CTNND2: variants seen among roughly 807,000 people sequenced by gnomAD.
The protein encoded by CTNND2 is catenin delta 2.
CTNND2 carries 22 observed loss-of-function variants against 144.4 expected under a neutral mutation model. The ratio of observed to expected loss-of-function variants is 0.15; its 90% CI spans 0.11 to 0.22. The LOEUF (loss-of-function observed/expected upper bound fraction) is 0.22, where lower values mean the gene tolerates loss of function less well. CTNND2 is among the 10% of genes least tolerant of loss of function. CTNND2 has a pLI of 1.00. For synonymous variants in CTNND2, 751 were observed against 695.6 expected (o/e 1.08, Z -1.25); for missense variants, 1,353 against 1,618.8 (o/e 0.84, Z 2.82).
At chr5:11,232,876 C>A (rs1351789773) in intron 10 of CTNND2, among the ~76,000 whole-genome samples, 1 of 152,130 alleles carries the variant, frequency 6.6e-6, no homozygotes, top group Non-Finnish European at 1.5e-5. Context: ...AGGGTAGGAC[C>A]AGGTGGAGGT....
At chr5:11,405,936 G>T (rs889066167) in intron 5 of CTNND2, among the ~76,000 whole-genome samples, 4 of 152,126 alleles carry the variant, frequency 2.6e-5, no homozygotes, top group African/African-American at 9.7e-5. Flanking sequence ...ATCACTGGAG[G>T]TCAGGAGTTC....
At chr5:11,412,545 G>A (rs1761626563) in intron 3 of CTNND2, among the ~76,000 whole-genome samples, 1 of 151,946 alleles carries the variant, frequency 6.6e-6, no homozygotes, top group Non-Finnish European at 1.5e-5. Flanking sequence ...AAGAGTTTAA[G>A]TAATTTAAAA....
intron 9 of CTNND2, among the ~76,000 whole-genome samples, chr5:11,319,445 G>A (rs1217407742): frequency 6.6e-6 from 1 of 152,178 alleles, no homozygotes; most frequent in Non-Finnish European, 1.5e-5. Flanking sequence ...AAATCATCCT[G>A]TGAAGTCATT....
At chr5:11,786,888 T>C (rs559699700) in intron 1 of CTNND2, among the ~76,000 whole-genome samples, 1 of 152,186 alleles carries the variant, frequency 6.6e-6, no homozygotes, top group Non-Finnish European at 1.5e-5. Context: ...TTTTCCCGAA[T>C]AGAGTTGGGG....
At chr5:11,296,013 C>A (rs1748936025) in intron 9 of CTNND2, among the ~76,000 whole-genome samples, 1 of 150,298 alleles carries the variant, frequency 6.7e-6, no homozygotes. Context: ...AGCTTCTGCA[C>A]AGCAAAAGAA....
At chr5:11,015,076 C>A (rs1741470708) in intron 18 of CTNND2, among the ~76,000 whole-genome samples, 1 of 152,122 alleles carries the variant, frequency 6.6e-6, no homozygotes, top group Non-Finnish European at 1.5e-5. Flanking sequence ...TGGAACGCTT[C>A]CTTTGCTAAG....
chr5:11,187,704 T>C (rs1735783602), intron 11 of CTNND2, among the ~76,000 whole-genome samples: 1 of 152,078 alleles, frequency 6.6e-6, no homozygotes, highest in South Asian at 2.1e-4. Flanking sequence ...GCAGTCTATC[T>C]ATCTGCAAAG....
At chr5:11,031,264 A>G (rs1195359651) in intron 16 of CTNND2, among the ~76,000 whole-genome samples, 2 of 152,148 alleles carry the variant, frequency 1.3e-5, no homozygotes, top group South Asian at 4.1e-4. Flanking sequence ...CACTGTAGTG[A>G]GAAGCAGCAA....
At chr5:11,810,957 AT>A (rs1792298444) in intron 1 of CTNND2, among the ~76,000 whole-genome samples, 1 of 152,104 alleles carries the variant, frequency 6.6e-6, no homozygotes, top group South Asian at 2.1e-4. Context: ...TATCATCTGA[AT>A]TTTACTGTAG....
chr5:11,754,253 G>C (rs1788784211), intron 1 of CTNND2, among the ~76,000 whole-genome samples: 1 of 151,168 alleles, frequency 6.6e-6, no homozygotes, highest in South Asian at 2.1e-4. Context: ...AGTTTCTCTA[G>C]GTGTGATGTT....
At chr5:11,217,723 T>A (rs890754809) in intron 10 of CTNND2, among the ~76,000 whole-genome samples, 1 of 152,206 alleles carries the variant, frequency 6.6e-6, no homozygotes, top group Admixed American at 6.5e-5. Context: ...TCTCTACCAG[T>A]GCCTAAGAGC....
In CTNND2 at chr5:11,684,940, T is replaced by C. The variant is rs1784575722; in HGVS notation, c.174+47196A>G. On this transcript the variant is annotated intron_variant, in intron 2 of 21. Transcript: ENST00000304623. Reference sequence around the variant, plus strand: ...AGTAGGAACAAAGAGAATGGTCCAATCCTTCTTCCCTCTACCTGATAATAT... The same window carrying C: ...AGTAGGAACAAAGAGAATGGTCCAACCCTTCTTCCCTCTACCTGATAATAT... 2.0e-5 allele frequency among the ~76,000 whole-genome samples: 3 copies of C among 152,240 alleles called. No homozygotes were observed. In the South Asian group the frequency reaches 6.2e-4, roughly 31 times the overall value.
intron 1 of CTNND2, among the ~76,000 whole-genome samples, chr5:11,885,117 G>T (rs1736423308): frequency 6.6e-6 from 1 of 152,108 alleles, no homozygotes; most frequent in African/African-American, 2.4e-5. Context: ...ATGGCCTGTA[G>T]TTTTACTTTT....
At chr5:11,013,992 A>G (rs1741353924) in intron 18 of CTNND2, among the ~76,000 whole-genome samples, 1 of 152,192 alleles carries the variant, frequency 6.6e-6, no homozygotes, top group Admixed American at 6.5e-5. Flanking sequence ...TGCAAGGCAG[A>G]GCAATGTGAC....
At chr5:11,095,540 A>C (rs12517839) in intron 15 of CTNND2, among the ~76,000 whole-genome samples, 3 of 152,074 alleles carry the variant, frequency 2.0e-5, no homozygotes. Flanking sequence ...TGAGAAAAAT[A>C]ATCACATTTG....
At chr5:11,241,432 C>G (rs1184596288) in intron 9 of CTNND2, among the ~76,000 whole-genome samples, 1 of 152,242 alleles carries the variant, frequency 6.6e-6, no homozygotes, top group Non-Finnish European at 1.5e-5. Context: ...TTCAGATCCT[C>G]TGGCCTTAAA....
At chr5:11,662,157 G>C (rs1019248833) in intron 2 of CTNND2, among the ~76,000 whole-genome samples, 3 of 140,044 alleles carry the variant, frequency 2.1e-5, no homozygotes, top group Admixed American at 7.2e-5. Flanking sequence ...ACATATATAT[G>C]TGTATATATG....
chr5:11,073,001 A>G (rs1748508767), intron 16 of CTNND2, among the ~76,000 whole-genome samples: 1 of 152,218 alleles, frequency 6.6e-6, no homozygotes, highest in African/African-American at 2.4e-5. Flanking sequence ...GCTGAAACCC[A>G]ATTACAGCTG....
rs1031326560 is a variant in CTNND2, at chr5:11,001,706, T to C, written c.3085-9029A>G. 3.9e-5 allele frequency among the ~76,000 whole-genome samples: 6 copies of C among 152,174 alleles called. No homozygotes were observed. In the South Asian group the frequency reaches 6.2e-4, roughly 16 times the overall value. On this transcript the variant is annotated intron_variant, in intron 18 of 21. Transcript: ENST00000304623. ...TCATCTTCTGCTGTTGGTAGATCTG[T>C]CTTTTATGACATACTCGCAACTGTG... is the stretch of plus-strand genomic sequence containing the variant.
Sources: gnomAD v4.1 joint callset for allele counts (sites outside exome capture counted in the v4.1 genomes callset) on GRCh38, gnomAD v4.1.1 for gene constraint, MANE v1.5 for transcripts, NCBI Gene and HGNC (gene_info 2026-07-23, HGNC 2026-07-21) for gene names.